Variants in SGCD observed in about 807,000 individuals in gnomAD.
SGCD encodes sarcoglycan delta, also known as delta-sarcoglycan.
Under a neutral mutation model 36.6 loss-of-function variants are expected in SGCD, and 18 were observed. The ratio of observed to expected loss-of-function variants is 0.49; its 90% CI spans 0.34 to 0.73. The LOEUF is 0.73. SGCD is among the 30% of genes least tolerant of loss of function. The pLI is 0.01. For missense variants in SGCD, 387 were observed against 346.7 expected (o/e 1.12, Z -0.92); for synonymous variants, 133 against 130.6 (o/e 1.02, Z -0.12).
intron 3 of SGCD, among the ~76,000 whole-genome samples, chr5:156,183,399 A>G (rs1763655606): frequency 6.6e-6 from 1 of 152,082 alleles, no homozygotes; most frequent in Non-Finnish European, 1.5e-5. Context: ...TACAATAATA[A>G]CTATTATTAC....
chr5:156,458,921 AT>A lies in SGCD; in HGVS notation c.193-49673del, dbSNP rs201120247. ...TTGAAAGATGCCAATTTTAACAGGG[AT>A]TTTTTTAGAGGCTAAAGATAGGTTT... On this transcript the variant is annotated intron_variant, in intron 3 of 8. Transcript: ENST00000337851. Among the ~76,000 whole-genome samples the A allele has an allele frequency of 9.7e-3, 1,471 of 152,202 alleles. 28 individuals carry two copies. The highest frequency in any genetic ancestry group is 0.034 in the African/African-American group (1,394 of 41,516).
intron 1 of SGCD, among the ~76,000 whole-genome samples, chr5:155,946,686 A>G (rs543783551): frequency 5.9e-5 from 9 of 152,298 alleles, no homozygotes; most frequent in African/African-American, 1.7e-4. Flanking sequence ...TTATGTAACT[A>G]TAATAAAATA....
chr5:156,030,560 T>C lies in SGCD; in HGVS notation c.-281-87318T>C, dbSNP rs1431334663. On this transcript the variant is annotated intron_variant, in intron 1 of 9. Coordinates refer to the SGCD transcript ENST00000517913. ...AGAACTGTGAGAAAATAAAGTTCTG[T>C]TATTTTAAATCCCCCTAGTTTATGG... Among the ~76,000 whole-genome samples, 13 of 152,314 alleles carry C rather than the reference T, an allele frequency of 8.5e-5. No individual in the cohort carries two copies. In the East Asian group the frequency reaches 2.1e-3, roughly 25 times the overall value.
At chr5:156,420,517 A>AT (rs918262864) in intron 3 of SGCD, among the ~76,000 whole-genome samples, 3 of 151,904 alleles carry the variant, frequency 2.0e-5, no homozygotes, top group Non-Finnish European at 4.4e-5. Context: ...AGGACTGTTA[A>AT]TTTTTTTTGC....
At position 156,202,036 on chromosome 5, in the gene SGCD, G is replaced by C. The variant is rs4704993; in HGVS notation, c.-44+78017G>C. Reference sequence around the variant, plus strand: ...CACGTTGTTGTTGTTGTTGAATTGCGAATGAGTATTCAGGTTTAGATTAAG... The same window carrying C: ...CACGTTGTTGTTGTTGTTGAATTGCCAATGAGTATTCAGGTTTAGATTAAG... On this transcript the variant is annotated intron_variant, in intron 3 of 9. Coordinates refer to the SGCD transcript ENST00000517913. Among the ~76,000 whole-genome samples, 3 of 151,912 alleles carry C rather than the reference G, an allele frequency of 2.0e-5. No homozygotes were observed. The South Asian group carries it at 6.2e-4, about 31-fold the overall frequency.
At chr5:156,090,681 G>A (rs1392982035) in intron 1 of SGCD, among the ~76,000 whole-genome samples, 1 of 152,190 alleles carries the variant, frequency 6.6e-6, no homozygotes, top group African/African-American at 2.4e-5. Flanking sequence ...CCCAATCCTA[G>A]TAAGCCTGAG....
chr5:156,642,761 C>G lies in SGCD; in HGVS notation c.503-4703C>G, dbSNP rs930254911. The stretch of plus-strand genomic sequence containing the variant: ...GGATTACAGGTGTGAGCCACTGCGC[C>G]TGGCCCAGTCTTCTTTATTAATGGG... On this transcript the variant is annotated intron_variant, in intron 6 of 8. Transcript: ENST00000337851. 2.0e-5 allele frequency among the ~76,000 whole-genome samples: 3 copies of G among 152,142 alleles called. No individual in the cohort carries two copies. The East Asian group carries it at 5.8e-4, about 29-fold the overall frequency.
intron 3 of SGCD, among the ~76,000 whole-genome samples, chr5:156,482,334 C>G (rs1755469079): frequency 6.6e-6 from 1 of 151,600 alleles, no homozygotes; most frequent in South Asian, 2.1e-4. Flanking sequence ...TAGCCACCAG[C>G]CACACACAGG....
rs143449671 is a variant in SGCD, at chr5:156,342,143, A to G, written c.4-2346A>G. 2.6e-3 allele frequency among the ~76,000 whole-genome samples: 400 copies of G among 152,358 alleles called. 1 individual carries two copies. The highest frequency in any genetic ancestry group is 0.024 in the Middle Eastern group (7 of 294). The stretch of plus-strand genomic sequence containing the variant: ...TGTATGAAAACAAGAAATCACAAGC[A>G]TGCTACCTATACCTCCATCCTCTTA... On this transcript the variant is annotated intron_variant, in intron 2 of 8. Transcript: ENST00000337851.
intron 5 of SGCD, among the ~76,000 whole-genome samples, chr5:156,590,793 C>T (rs189884856): frequency 6.6e-6 from 1 of 151,516 alleles, no homozygotes; most frequent in Non-Finnish European, 1.5e-5. Flanking sequence ...TCTGACACCC[C>T]TTTTCCCCTC....
At chr5:155,739,376 A>C in the SGCD span, among the ~76,000 whole-genome samples, 1 of 152,220 alleles carries the variant, frequency 6.6e-6, no homozygotes, top group Non-Finnish European at 1.5e-5. Context: ...CGTGGAAGCC[A>C]GTGGGGCTGA....
intron 3 of SGCD, among the ~76,000 whole-genome samples, chr5:156,221,089 T>C (rs186541678): frequency 6.6e-6 from 1 of 152,204 alleles, no homozygotes; most frequent in East Asian, 1.9e-4. Flanking sequence ...CAAGGAAGCA[T>C]AATATCATAA....
chr5:156,023,085 T>C (rs543070282), intron 1 of SGCD, among the ~76,000 whole-genome samples: 6 of 152,356 alleles, frequency 3.9e-5, no homozygotes, highest in Admixed American at 2.6e-4. Context: ...AGTGATTCTT[T>C]GGTCAATCAT....
At chr5:156,182,407 G>A (rs1337724903) in intron 3 of SGCD, among the ~76,000 whole-genome samples, 1 of 151,936 alleles carries the variant, frequency 6.6e-6, no homozygotes, top group Non-Finnish European at 1.5e-5. Flanking sequence ...CCTTGGTGAT[G>A]TGGTGAAACC....
chr5:156,511,052 A>C (rs896021247), intron 4 of SGCD, among the ~76,000 whole-genome samples: 1 of 152,188 alleles, frequency 6.6e-6, no homozygotes. Flanking sequence ...TTTATATTTA[A>C]TTACTTACCT....
intron 3 of SGCD, among the ~76,000 whole-genome samples, chr5:156,251,173 TAC>T (rs931596989): frequency 6.6e-6 from 1 of 152,238 alleles, no homozygotes; most frequent in African/African-American, 2.4e-5. Context: ...CTTTTTTGTG[TAC>T]AGTTTTTACT....
the SGCD span, among the ~76,000 whole-genome samples, chr5:155,835,002 ATTTTTTTTT>A: frequency 3.3e-5 from 2 of 60,184 alleles, no homozygotes; most frequent in African/African-American, 5.8e-5. Flanking sequence ...TGCCCAGCTA[ATTTTTTTTT>A]TTTTTTTTTT....
At chr5:155,844,448 TGTG>T in the SGCD span, among the ~76,000 whole-genome samples, 1 of 152,002 alleles carries the variant, frequency 6.6e-6, no homozygotes, top group African/African-American at 2.4e-5. Flanking sequence ...TGTGTGTGTG[TGTG>T]TGTGTTATAA....
At chr5:156,179,945 G>A (rs10475679) in intron 3 of SGCD, among the ~76,000 whole-genome samples, 1 of 151,936 alleles carries the variant, frequency 6.6e-6, no homozygotes. Context: ...TTATGATACT[G>A]CAGTTGGTGA....
Sources: allele counts gnomAD v4.1 joint callset (sites outside exome capture counted in the v4.1 genomes callset), GRCh38; gene constraint gnomAD v4.1.1; transcripts MANE v1.5; gene names NCBI Gene and HGNC (gene_info 2026-07-23, HGNC 2026-07-21).